MYO15B: variants seen among roughly 807,000 people sequenced by gnomAD.
MYO15B encodes the protein myosin XVB pseudogene.
A neutral mutation model predicts 119.3 loss-of-function variants in MYO15B; 207 were observed. The observed-to-expected ratio is 1.73, with a 90% CI of 1.55 to 1.95. MYO15B has a LOEUF of 1.95. Ranked by LOEUF, MYO15B falls within the 30% of genes most tolerant of loss-of-function variation. MYO15B has a pLI of 0.00. For missense variants in MYO15B, 2,264 were observed against 1,203.1 expected (o/e 1.88, Z -13.04); for synonymous variants, 966 against 498.9 (o/e 1.94, Z -12.48).
rs1021708522 is a variant in MYO15B at position 75,624,068 on chromosome 17, C to A, written c.8272+4C>A. On this transcript the variant is annotated splice_donor_region_variant and intron_variant, in intron 55 of 63. Coordinates refer to ENST00000645453, the Ensembl canonical transcript of MYO15B. ...CAGGATTCAGGCCCCAGCCAAGGTGCCCGTGGGAAGGGGAGATGGAGGAGA... is the reference window on the plus strand; with the variant it reads ...CAGGATTCAGGCCCCAGCCAAGGTGACCGTGGGAAGGGGAGATGGAGGAGA... The A allele has an allele frequency of 1.4e-6, 1 of 703,050 alleles. No individual in the cohort carries two copies. 43.6% of individuals were successfully genotyped at this position (703,050 alleles called of 1,614,324 possible). A position where few individuals can be genotyped will look rare whatever the true frequency, so the allele number is the denominator to read the frequency against.
intron 53 of MYO15B, 135 bp downstream of exon 53, chr17:75,622,215 G>C: frequency 3.2e-6 from 2 of 629,202 alleles, no homozygotes; most frequent in South Asian, 1.8e-5. Context: ...GTGCAGGGGG[G>C]TGTGGCTGTG....
At chr17:75,623,727 C>T in intron 53 of MYO15B, 54 bp from the exon 54 acceptor site, 1 of 700,442 alleles carries the variant, frequency 1.4e-6, no homozygotes, top group Non-Finnish European at 2.6e-6. Flanking sequence ...GGGCTTCAGA[C>T]CCCAGGCTCA....
chr17:75,603,622 G>A (rs1434973560), intron 19 of MYO15B, among the ~76,000 whole-genome samples: 4 of 152,068 alleles, frequency 2.6e-5, no homozygotes, highest in Admixed American at 6.6e-5. Flanking sequence ...CGGGGCTCAC[G>A]GTCTAGTGCC....
intron 14 of MYO15B, among the ~76,000 whole-genome samples, chr17:75,598,870 A>G (rs1338873115): frequency 1.3e-5 from 2 of 150,252 alleles, no homozygotes; most frequent in African/African-American, 4.9e-5. Flanking sequence ...TCCAGGGCTC[A>G]GCAATATCAC....
At chr17:75,618,165 C>A in exon 43 of MYO15B, 1 of 703,262 alleles carries the variant, frequency 1.4e-6, no homozygotes, top group Non-Finnish European at 2.6e-6. Flanking sequence ...TCCCTACTAC[C>A]TGAGGCTCCT....
In MYO15B at chr17:75,615,485, C is replaced by T. The variant is rs774406279; in HGVS notation, c.5741-18C>T. On this transcript the variant is annotated intron_variant, in intron 34 of 63. Transcript: ENST00000645453. ...TGGCCATGGTGCCCACCACTCTGGC[C>T]GCCTGCCGCCCTCACAGCCATGGTG... is the stretch of plus-strand genomic sequence containing the variant. The T allele has an allele frequency of 1.8e-5, 12 of 681,880 alleles. No individual in the cohort carries two copies. The highest frequency in any genetic ancestry group is 3.1e-4 in the Middle Eastern group (1 of 3,252). 42.2% of individuals were successfully genotyped at this position (681,880 alleles called of 1,614,324 possible). A position where few individuals can be genotyped will look rare whatever the true frequency, so the allele number is the denominator to read the frequency against.
chr17:75,607,417 G>A (rs2057724949), intron 21 of MYO15B, among the ~76,000 whole-genome samples: 4 of 137,248 alleles, frequency 2.9e-5, no homozygotes, highest in Non-Finnish European at 3.0e-5. Context: ...TTCCAGGCTT[G>A]AGGGTTAATA....
In MYO15B at chr17:75,616,759, C is replaced by T. The variant is rs141830737; in HGVS notation, c.6480C>T (p.Pro2160=). ...GCATGTACCAGAGCCGCCCGGGCCC[C>T]GTGCCTGTGCCCGTGCAGCCATCCA... is the stretch of plus-strand genomic sequence containing the variant. Residue 2160 remains proline, a synonymous_variant, in exon 39 of 64, where the codon CCC becomes CCT. Coordinates refer to ENST00000645453, the Ensembl canonical transcript of MYO15B. 1.0e-3 allele frequency: 707 copies of T among 703,018 alleles called. 1 individual carries two copies. Among genetic ancestry groups the T allele is most frequent in the African/African-American group, 7.3e-3 (420 of 57,400 alleles). The allele number at this position is 703,018 out of a possible 1,614,324, so 43.5% of individuals were successfully genotyped here.
chr17:75,595,885 C>A (rs571351559), intron 12 of MYO15B, among the ~76,000 whole-genome samples: 12 of 152,352 alleles, frequency 7.9e-5, no homozygotes, highest in Non-Finnish European at 1.5e-4. Context: ...GAGGTGGCCC[C>A]TGCCCTCAGT....
At position 75,622,194 on chromosome 17, in the gene MYO15B, G is replaced by A. The variant is rs188221396; in HGVS notation, c.8082+114G>A. 6.0e-4 allele frequency: 396 copies of A among 658,078 alleles called. 2 individuals are homozygous for A. Among genetic ancestry groups the A allele is most frequent in the South Asian group, 1.5e-3 (91 of 60,670 alleles). The allele number at this position is 658,078 out of a possible 1,614,324, so 40.8% of individuals were successfully genotyped here. A position where few individuals can be genotyped will look rare whatever the true frequency, so the allele number is the denominator to read the frequency against. Reference sequence around the variant, plus strand: ...CAAATCATTCCAAAGTATTTACTGAGCACCCATTGCGTGCAGGGGGGTGTG... The same window carrying A: ...CAAATCATTCCAAAGTATTTACTGAACACCCATTGCGTGCAGGGGGGTGTG... On this transcript the variant is annotated intron_variant, in intron 53 of 63. Transcript: ENST00000645453.
At chr17:75,598,297 G>A (rs971812834) in intron 14 of MYO15B, among the ~76,000 whole-genome samples, 54 of 150,636 alleles carry the variant, frequency 3.6e-4, no homozygotes, top group Admixed American at 3.4e-3. Context: ...AAAGAAAATG[G>A]GCCAGGCGCG....
At chr17:75,626,346 C>A in intron 63 of MYO15B, 61 bp from the exon 64 acceptor site, 3 of 701,670 alleles carry the variant, frequency 4.3e-6, no homozygotes, top group Non-Finnish European at 7.8e-6. Context: ...GTGCTGTGGG[C>A]CGGGGCAGAG....
At chr17:75,618,904 G>A (rs1346880421) in intron 43 of MYO15B, among the ~76,000 whole-genome samples, 1 of 152,200 alleles carries the variant, frequency 6.6e-6, no homozygotes, top group Non-Finnish European at 1.5e-5. Flanking sequence ...TCTGGGCAGT[G>A]AGTGAAAAGG....
chr17:75,602,902 C>T (rs541437719), exon 17 of MYO15B: 20 of 688,364 alleles, frequency 2.9e-5, no homozygotes, highest in African/African-American at 1.1e-4. Context: ...GCTGGCCTCT[C>T]GCTTCCAGCA....
In MYO15B at chr17:75,616,155, C is replaced by T; in HGVS notation, c.6109+8C>T. 2 of 566,246 alleles carry T rather than the reference C, an allele frequency of 3.5e-6. No individual in the cohort carries two copies. The highest frequency in any genetic ancestry group is 6.2e-6 in the Non-Finnish European group (2 of 321,048). The allele number at this position is 566,246 out of a possible 1,614,324, so 35.1% of individuals were successfully genotyped here. A position where few individuals can be genotyped will look rare whatever the true frequency, so the allele number is the denominator to read the frequency against. On this transcript the variant is annotated splice_region_variant and intron_variant, in intron 37 of 63. Transcript: ENST00000645453. Reference sequence around the variant, plus strand: ...ACTATTTCCAGAGGATGGGTGAGGGCACTTGGGGTGGCAGGACCGTGCAGA... The same window carrying T: ...ACTATTTCCAGAGGATGGGTGAGGGTACTTGGGGTGGCAGGACCGTGCAGA...
intron 15 of MYO15B, among the ~76,000 whole-genome samples, chr17:75,602,078 G>C (rs2057320591): frequency 6.6e-6 from 1 of 152,176 alleles, no homozygotes. Flanking sequence ...CTGGAATAAA[G>C]GGAAGGGCAG....
exon 3 of MYO15B, chr17:75,590,922 G>C: frequency 2.0e-6 from 1 of 508,634 alleles, no homozygotes; most frequent in Non-Finnish European, 3.6e-6. Context: ...TGGGGGGCCT[G>C]TCTTGCTTGT....
In MYO15B at chr17:75,588,094, G is replaced by GGGCC; in HGVS notation, c.37_38insGGCC (p.Glu13GlyfsTer115). The GGGCC allele has an allele frequency of 2.5e-6, 1 of 398,322 alleles. No individual in the cohort carries two copies. The allele number at this position is 398,322 out of a possible 1,614,324, so 24.7% of individuals were successfully genotyped here. ...CCAGCGCAAAGCGCCCCAGCGCCTG[G>GGGCC]AGAGGCCCGGGAGGCCGGCCTCAGG... On this transcript the variant is annotated frameshift_variant, in exon 1 of 64. Coordinates refer to ENST00000645453, the Ensembl canonical transcript of MYO15B. LOFTEE classifies it high-confidence loss of function.
At chr17:75,624,327 C>G in intron 56 of MYO15B, 43 bp from the exon 57 acceptor site, 1 of 702,852 alleles carries the variant, frequency 1.4e-6, no homozygotes, top group Non-Finnish European at 2.6e-6. Flanking sequence ...GTGTCTCCTA[C>G]AGGAGACCAC....
Sources: allele counts gnomAD v4.1 joint callset (sites outside exome capture counted in the v4.1 genomes callset), GRCh38; gene constraint gnomAD v4.1.1; transcripts MANE v1.5; gene names NCBI Gene and HGNC (gene_info 2026-07-23, HGNC 2026-07-21).